Variants in FHIT observed in about 807,000 individuals in gnomAD.
The protein encoded by FHIT is fragile histidine triad diadenosine triphosphatase.
In FHIT, 19 loss-of-function variants were observed where a neutral mutation model predicts 17.9. The ratio of observed to expected loss-of-function variants is 1.06; its 90% confidence interval spans 0.74 to 1.56. The LOEUF (loss-of-function observed/expected upper bound fraction) is 1.56. FHIT is among the 40% of genes most tolerant of loss of function. The probability of loss-of-function intolerance (pLI) is 0.00; values close to 1 mark genes in which losing one functional copy is unlikely to be tolerated. For missense variants in FHIT, 248 were observed against 189.2 expected, an observed-to-expected ratio of 1.31 and a Z score of -1.82; for synonymous variants, 81 against 69.7, an observed-to-expected ratio of 1.16 and a Z score of -0.81.
At chr3:60,776,608 G>A (rs149610313) in intron 4 of FHIT, among the ~76,000 whole-genome samples, 3 of 152,092 alleles carry the variant, frequency 2.0e-5, no homozygotes, top group East Asian at 1.9e-4. Context: ...TAAGGCCTGG[G>A]GACACACGGA....
At chr3:60,350,861 G>A (rs1434765631) in intron 5 of FHIT, among the ~76,000 whole-genome samples, 1 of 152,162 alleles carries the variant, frequency 6.6e-6, no homozygotes, top group Admixed American at 6.6e-5. Flanking sequence ...TTACTGCTAT[G>A]ATTATGTTAT....
chr3:60,127,103 A>G (rs55659703), intron 5 of FHIT, among the ~76,000 whole-genome samples: 80,356 of 151,842 alleles, frequency 0.53, 21,469 homozygotes, highest in Non-Finnish European at 0.55. Flanking sequence ...CTACTTGTGC[A>G]ATCTCCCAAT....
intron 3 of FHIT, among the ~76,000 whole-genome samples, chr3:60,937,830 G>C (rs782255638): frequency 6.6e-6 from 1 of 152,020 alleles, no homozygotes; most frequent in African/African-American, 2.4e-5. Context: ...CCAAAGTGCT[G>C]GGATTACAGG....
intron 5 of FHIT, among the ~76,000 whole-genome samples, chr3:60,265,223 A>G (rs1184657553): frequency 6.6e-6 from 1 of 151,730 alleles, no homozygotes; most frequent in Admixed American, 6.6e-5. Context: ...GATAGTGGAG[A>G]AGGAACATAC....
intron 7 of FHIT, among the ~76,000 whole-genome samples, chr3:59,951,337 C>G (rs774898654): frequency 6.6e-6 from 1 of 152,164 alleles, no homozygotes; most frequent in Non-Finnish European, 1.5e-5. Flanking sequence ...TTGCTGTTGA[C>G]TGGGAATCTC....
chr3:60,963,037 C>T (rs1709540177), intron 3 of FHIT, among the ~76,000 whole-genome samples: 1 of 152,150 alleles, frequency 6.6e-6, no homozygotes. Context: ...CGGTAGAATT[C>T]GGCTGTGAAT....
intron 2 of FHIT, among the ~76,000 whole-genome samples, chr3:61,122,263 T>C (rs554690404): frequency 5.3e-5 from 8 of 152,248 alleles, no homozygotes; most frequent in African/African-American, 1.2e-4. Flanking sequence ...GAAAGGATTC[T>C]CTATTTAATA....
chr3:60,211,126 C>T (rs559122364), intron 5 of FHIT, among the ~76,000 whole-genome samples: 3 of 145,574 alleles, frequency 2.1e-5, no homozygotes, highest in African/African-American at 7.5e-5. Context: ...AGAAATCATT[C>T]TAGAAAGTGC....
At chr3:60,864,576 T>G (rs1553753444) in intron 3 of FHIT, among the ~76,000 whole-genome samples, 1 of 152,098 alleles carries the variant, frequency 6.6e-6, no homozygotes, top group African/African-American at 2.4e-5. Flanking sequence ...TGTGGCATAT[T>G]CTGGAACAGG....
chr3:60,616,424 C>A (rs782348931), intron 4 of FHIT, among the ~76,000 whole-genome samples: 1 of 152,026 alleles, frequency 6.6e-6, no homozygotes, highest in Non-Finnish European at 1.5e-5. Flanking sequence ...CTCTTTGATT[C>A]TTTTTTAAAA....
intron 5 of FHIT, among the ~76,000 whole-genome samples, chr3:60,191,733 A>T (rs1251592182): frequency 2.0e-5 from 3 of 152,218 alleles, no homozygotes; most frequent in Non-Finnish European, 2.9e-5. Flanking sequence ...TTGGAGACAG[A>T]TTAAAGATTA....
chr3:60,708,793 T>G (rs1436734796), intron 4 of FHIT, among the ~76,000 whole-genome samples: 1 of 152,244 alleles, frequency 6.6e-6, no homozygotes, highest in Non-Finnish European at 1.5e-5. Context: ...GGAAAATGTT[T>G]TTGTGGACAA....
chr3:60,900,225 T>A (rs1706046531), intron 3 of FHIT, among the ~76,000 whole-genome samples: 1 of 152,146 alleles, frequency 6.6e-6, no homozygotes, highest in South Asian at 2.1e-4. Context: ...GGGCCACAGT[T>A]AGGGTGCAGC....
chr3:60,044,822 C>T (rs1229331400), intron 5 of FHIT, among the ~76,000 whole-genome samples: 2 of 152,076 alleles, frequency 1.3e-5, no homozygotes, highest in African/African-American at 4.8e-5. Flanking sequence ...GAAATTAAGG[C>T]AGTGCAAGAA....
chr3:59,955,910 C>G (rs1337806948), intron 7 of FHIT, among the ~76,000 whole-genome samples: 1 of 152,220 alleles, frequency 6.6e-6, no homozygotes, highest in African/African-American at 2.4e-5. Context: ...TGCCCAGCAA[C>G]CGCCATGGTG....
At chr3:60,722,832 C>T (rs1553708440) in intron 4 of FHIT, among the ~76,000 whole-genome samples, 3 of 150,734 alleles carry the variant, frequency 2.0e-5, no homozygotes, top group Admixed American at 1.3e-4. Context: ...AAATGATTCT[C>T]CTGCCTCAGC....
At chr3:61,167,682 A>C (rs2037881146) in intron 2 of FHIT, among the ~76,000 whole-genome samples, 1 of 151,622 alleles carries the variant, frequency 6.6e-6, no homozygotes, top group African/African-American at 2.4e-5. Flanking sequence ...ATAAAAGAAA[A>C]GGAAAAGAAA....
chr3:60,143,894 C>T (rs914702670), intron 5 of FHIT, among the ~76,000 whole-genome samples: 1 of 152,038 alleles, frequency 6.6e-6, no homozygotes, highest in Non-Finnish European at 1.5e-5. Flanking sequence ...AAATACAGGC[C>T]ATACAGCATA....
At chr3:60,508,929 G>A (rs1004610793) in intron 5 of FHIT, among the ~76,000 whole-genome samples, 10 of 152,006 alleles carry the variant, frequency 6.6e-5, no homozygotes, top group Non-Finnish European at 1.5e-4. Flanking sequence ...AAGTAAAGAC[G>A]AACGTGATAG....
Sources: gnomAD v4.1 joint callset for allele counts (sites outside exome capture counted in the v4.1 genomes callset) on GRCh38, gnomAD v4.1.1 for gene constraint, MANE v1.5 for transcripts, NCBI Gene and HGNC (gene_info 2026-07-23, HGNC 2026-07-21) for gene names.